Variants in LYST observed in about 807,000 individuals in gnomAD.
The protein encoded by LYST is lysosomal trafficking regulator.
Under a neutral mutation model 413.6 loss-of-function variants are expected in LYST, and 192 were observed. That is an observed-to-expected ratio of 0.46 (90% CI 0.41 to 0.52). The LOEUF (loss-of-function observed/expected upper bound fraction) is 0.52. Among genes scored for constraint, LYST ranks in the 20% least tolerant of loss-of-function variants. LYST has a pLI of 0.00. For missense variants in LYST, 3,815 were observed against 4,499.9 expected (o/e 0.85, Z 4.35); for synonymous variants, 1,525 against 1,567.3 (o/e 0.97, Z 0.64).
chr1:235,728,111 C>T lies in LYST; in HGVS notation c.9127G>A (p.Val3043Met). Residue 3043 changes from valine to methionine, a missense_variant, in exon 38 of 53, where the codon GTG becomes ATG. Val to Met is a conservative substitution (Grantham distance 21, BLOSUM62 1). This residue lies in a region of LYST where 866 missense variants were observed against 1,156.0 expected (regional missense o/e 0.75). Coordinates refer to ENST00000389793, the MANE Select transcript of LYST (RefSeq NM_000081.4). ...ACTGTATCAGAAGCATTATCTTCCACAAAATACATTCCACATTTACCTGCA... is the reference window on the plus strand; with the variant it reads ...ACTGTATCAGAAGCATTATCTTCCATAAAATACATTCCACATTTACCTGCA... The part of the protein sequence containing the change: ...LLLGKCGMYF[V>M]EDNASDTVES... The T allele has an allele frequency of 6.2e-7, 1 of 1,612,504 alleles. No homozygotes were observed. Among genetic ancestry groups the T allele is most frequent in the Non-Finnish European group, 8.5e-7 (1 of 1,178,734 alleles).
At position 235,716,679 on chromosome 1, in the gene LYST, A is replaced by G. The variant is rs369683015; in HGVS notation, c.9627+33T>C. On this transcript the variant is annotated intron_variant, in intron 41 of 52. Transcript: ENST00000389793. ...TCTGTAAAACAAAACACAATTTTTC[A>G]TTTAATAAAGTACGAGTAAAAACAA... The G allele has an allele frequency of 1.0e-5, 14 of 1,402,034 alleles. No individual in the cohort carries two copies. In the African/African-American group the frequency reaches 2.0e-4, roughly 20 times the overall value. 86.8% of individuals were successfully genotyped at this position (1,402,034 alleles called of 1,614,324 possible). A position where few individuals can be genotyped will look rare whatever the true frequency, so the allele number is the denominator to read the frequency against.
intron 3 of LYST, chr1:235,828,605 G>T: frequency 4.2e-6 from 1 of 237,972 alleles, no homozygotes; most frequent in Non-Finnish European, 6.8e-6. Context: ...TCTCAATAAT[G>T]TTTTATAGAA....
chr1:235,685,166 G>T (rs1660112991), intron 48 of LYST, among the ~76,000 whole-genome samples: 1 of 152,018 alleles, frequency 6.6e-6, no homozygotes, highest in South Asian at 2.1e-4. Context: ...GATCCCTTAG[G>T]ATCCAGCTCA....
rs1184579044 is a variant in LYST at position 235,753,225 on chromosome 1, C to G, written c.7279G>C (p.Val2427Leu). 2 of 1,610,616 alleles carry G rather than the reference C, an allele frequency of 1.2e-6. No individual in the cohort carries two copies. The highest frequency in any genetic ancestry group is 1.1e-5 in the South Asian group (1 of 91,002). Residue 2427 changes from valine to leucine, a missense_variant, in exon 26 of 53, where the codon GTC becomes CTC. Physicochemically the swap from Val to Leu is conservative, Grantham distance 32. Coordinates refer to ENST00000389793, the MANE Select transcript of LYST (RefSeq NM_000081.4). ...TCTATTAGTCCCAGAATAGGAATGA[C>G]AGACCACTTCTGAAACAATCCCATG... ...RNMGLFQKWS[V>L]IPILGLIETS... is the part of the protein sequence containing the mutation.
At chr1:235,790,013 C>G (rs1356075833) in intron 12 of LYST, among the ~76,000 whole-genome samples, 1 of 152,064 alleles carries the variant, frequency 6.6e-6, no homozygotes, top group African/African-American at 2.4e-5. Context: ...GATATCGCAG[C>G]AAAATATTCT....
intron 10 of LYST, among the ~76,000 whole-genome samples, chr1:235,797,100 C>T (rs1671629259): frequency 6.6e-6 from 1 of 152,092 alleles, no homozygotes; most frequent in African/African-American, 2.4e-5. Flanking sequence ...ACAGAGTTAC[C>T]ATATGACACA....
rs575024479 is a variant in LYST at position 235,759,264 on chromosome 1, A to G, written c.6589T>C (p.Phe2197Leu). ...TTATGATCTGCTTTGACCACTGGAA[A>G]TCCCAGCACTCCCTTTGGGACATCA... ...VSDVPKGVLG[F>L]PVVKADHKQL... Residue 2197 changes from phenylalanine to leucine, a missense_variant, in exon 23 of 53, where the codon TTT becomes CTT. This residue lies in a region of LYST where 771 missense variants were observed against 837.1 expected (regional missense o/e 0.92). Transcript: ENST00000389793. 1.1e-5 allele frequency: 17 copies of G among 1,614,124 alleles called. No individual in the cohort carries two copies. In the South Asian group the frequency reaches 1.9e-4, roughly 18 times the overall value.
intron 16 of LYST, among the ~76,000 whole-genome samples, chr1:235,779,806 A>G (rs1034820229): frequency 1.3e-5 from 2 of 152,178 alleles, no homozygotes; most frequent in African/African-American, 2.4e-5. Flanking sequence ...AACACCACAA[A>G]CAACAAAATA....
intron 10 of LYST, among the ~76,000 whole-genome samples, chr1:235,795,916 A>T (rs936696518): frequency 1.3e-5 from 2 of 152,148 alleles, no homozygotes; most frequent in African/African-American, 4.8e-5. Context: ...ATAATCAAAT[A>T]TATACAAGGA....
chr1:235,730,167 G>A (rs1322402971), intron 36 of LYST, among the ~76,000 whole-genome samples: 1 of 151,928 alleles, frequency 6.6e-6, no homozygotes, highest in African/African-American at 2.4e-5. Context: ...TGTGTTCTTA[G>A]CCAATTATCT....
intron 1 of LYST, among the ~76,000 whole-genome samples, chr1:235,862,032 T>C (rs1200238469): frequency 3.9e-5 from 6 of 152,104 alleles, no homozygotes; most frequent in African/African-American, 9.7e-5. Flanking sequence ...GGACAACAGA[T>C]CAAATCAAAA....
intron 48 of LYST, among the ~76,000 whole-genome samples, chr1:235,681,280 A>G (rs901167619): frequency 1.3e-5 from 2 of 151,646 alleles, no homozygotes; most frequent in African/African-American, 4.8e-5. Context: ...GAGATATGAA[A>G]GAAAGTGGCA....
intron 14 of LYST, among the ~76,000 whole-genome samples, chr1:235,783,571 C>A (rs1423958270): frequency 6.6e-6 from 1 of 152,004 alleles, no homozygotes; most frequent in East Asian, 1.9e-4. Context: ...ATGGGTGCAG[C>A]AAACCACCAT....
chr1:235,779,070 T>C (rs1669600580), intron 16 of LYST, among the ~76,000 whole-genome samples: 1 of 151,904 alleles, frequency 6.6e-6, no homozygotes, highest in Non-Finnish European at 1.5e-5. Context: ...TTTCACCATG[T>C]TGGCCAGGCT....
At chr1:235,738,039 A>C in intron 31 of LYST, 1 of 1,565,824 alleles carries the variant, frequency 6.4e-7, no homozygotes, top group Non-Finnish European at 8.7e-7. Flanking sequence ...CAGTCTTCTA[A>C]AGGAAGAACA....
At chr1:235,790,741 GT>G (rs1276539418) in intron 12 of LYST, among the ~76,000 whole-genome samples, 1 of 151,868 alleles carries the variant, frequency 6.6e-6, no homozygotes, top group East Asian at 1.9e-4. Context: ...TCAATGAACA[GT>G]TTTTTTTCTG....
intron 1 of LYST, among the ~76,000 whole-genome samples, chr1:235,864,906 G>A (rs1680317595): frequency 6.6e-6 from 1 of 152,150 alleles, no homozygotes; most frequent in African/African-American, 2.4e-5. Context: ...TCCAGCCTGG[G>A]AGACAAAGTG....
At chr1:235,842,878 T>G (rs1040423108) in intron 1 of LYST, among the ~76,000 whole-genome samples, 1 of 152,218 alleles carries the variant, frequency 6.6e-6, no homozygotes, top group African/African-American at 2.4e-5. Context: ...ACCTAAAAGA[T>G]TACAGAATTA....
chr1:235,782,182 T>C (rs1669937234), intron 14 of LYST, 95 bp from the exon 15 acceptor site: 3 of 486,178 alleles, frequency 6.2e-6, no homozygotes, highest in Non-Finnish European at 5.9e-6. Context: ...GGGGAATTCT[T>C]TTTTTTTTTT....
Sources: gnomAD v4.1 joint callset for allele counts (sites outside exome capture counted in the v4.1 genomes callset) on GRCh38, gnomAD v4.1.1 for gene constraint, gnomAD v4.1.1 regional missense constraint, MANE v1.5 for transcripts, NCBI Gene and HGNC (gene_info 2026-07-23, HGNC 2026-07-21) for gene names.